The following DHRSX variants were observed in gnomAD, a reference collection of about 807,000 sequenced individuals.
DHRSX encodes the protein dehydrogenase/reductase X-linked, also known as polyprenol dehydrogenase.
DHRSX carries 31 observed loss-of-function variants against 34.0 expected under a neutral mutation model. That is an observed-to-expected ratio of 0.91 (90% CI 0.69 to 1.23). DHRSX has a LOEUF of 1.23. Ranked by LOEUF, DHRSX falls within the 50% of genes most tolerant of loss-of-function variation. The probability of loss-of-function intolerance (pLI) is 0.00; values close to 1 mark genes in which losing one functional copy is unlikely to be tolerated. For synonymous variants in DHRSX, 201 were observed against 183.8 expected, an observed-to-expected ratio of 1.09 and a Z score of -0.76; for missense variants, 414 against 428.1, an observed-to-expected ratio of 0.97 and a Z score of 0.29.
chrX:2,489,763 C>T (rs2045073606), intron 1 of DHRSX: 9 of 1,613,260 alleles, frequency 5.6e-6, no homozygotes, highest in Non-Finnish European at 7.6e-6. Context: ...GGAAGTACTC[C>T]ACCAGTTTGC....
rs901674478 is a variant in DHRSX, at chrX:2,425,201, G to A, written c.213C>T (p.Ile71=). The A allele has an allele frequency of 6.2e-7, 1 of 1,608,530 alleles. No homozygotes were observed. The highest frequency in any genetic ancestry group is 1.3e-5 in the African/African-American group (1 of 74,620). ...KHLARLGMHV[I]IAGNNDSKAK... is the part of the protein sequence containing the mutation. ...AGTAACTGTAAAAGTCATCACCTAT[G>A]ATAACATGCATGCCAAGTCTCGCCA... Residue 71 remains isoleucine (I), a synonymous_variant, in exon 2 of 7, where the codon ATC becomes ATT. Coordinates refer to ENST00000334651, the MANE Select transcript of DHRSX (RefSeq NM_145177.3).
At chrX:2,255,095 G>A (rs1238886778) in intron 5 of DHRSX, among the ~76,000 whole-genome samples, 1 of 151,824 alleles carries the variant, frequency 6.6e-6, no homozygotes, top group Middle Eastern at 3.2e-3. Context: ...CTCCTGAGTA[G>A]CTGGGACTAC....
intron 3 of DHRSX, among the ~76,000 whole-genome samples, chrX:2,308,835 G>C (rs1004293944): frequency 6.7e-6 from 1 of 149,794 alleles, no homozygotes; most frequent in Non-Finnish European, 1.5e-5. Flanking sequence ...AAGAAAGGGA[G>C]GGAGGGAGAA....
intron 6 of DHRSX, among the ~76,000 whole-genome samples, chrX:2,236,136 A>T (rs999707351): frequency 6.6e-6 from 1 of 151,984 alleles, no homozygotes; most frequent in South Asian, 2.1e-4. Flanking sequence ...AATAAATAAA[A>T]TAAATAAATC....
chrX:2,329,134 T>C (rs1437579648), intron 3 of DHRSX, among the ~76,000 whole-genome samples: 1 of 152,216 alleles, frequency 6.6e-6, no homozygotes, highest in African/African-American at 2.4e-5. Flanking sequence ...CAGGTATTTA[T>C]GAAACCTCAT....
intron 3 of DHRSX, among the ~76,000 whole-genome samples, chrX:2,380,557 C>T (rs1282982558): frequency 6.6e-6 from 1 of 152,076 alleles, no homozygotes; most frequent in African/African-American, 2.4e-5. Flanking sequence ...GTGTCCCCAT[C>T]CAAATCTCAC....
chrX:2,246,484 G>A (rs1476076660), intron 5 of DHRSX, among the ~76,000 whole-genome samples: 15 of 151,764 alleles, frequency 9.9e-5, no homozygotes, highest in Non-Finnish European at 2.1e-4. Flanking sequence ...TTAGCTGGAC[G>A]TGCTGGCGGG....
At chrX:2,263,320 T>C (rs1184803564) in intron 5 of DHRSX, among the ~76,000 whole-genome samples, 1 of 152,070 alleles carries the variant, frequency 6.6e-6, no homozygotes, top group East Asian at 1.9e-4. Context: ...AGTGCCTTTA[T>C]AAAGGGGACC....
intron 5 of DHRSX, among the ~76,000 whole-genome samples, chrX:2,256,015 CTTTT>C (rs768032121): frequency 3.6e-5 from 5 of 139,962 alleles, no homozygotes; most frequent in East Asian, 4.1e-4. Flanking sequence ...ATGTGTCCCT[CTTTT>C]TTTTTTTTTT....
At chrX:2,307,311 A>C (rs947561255) in intron 3 of DHRSX, among the ~76,000 whole-genome samples, 4 of 152,138 alleles carry the variant, frequency 2.6e-5, no homozygotes, top group Admixed American at 1.3e-4. Flanking sequence ...GCATTCCAAG[A>C]GCAGGGGAGG....
At chrX:2,326,931 C>A (rs2042394205) in intron 3 of DHRSX, among the ~76,000 whole-genome samples, 1 of 152,022 alleles carries the variant, frequency 6.6e-6, no homozygotes, top group Admixed American at 6.6e-5. Context: ...CCTGCCTCAG[C>A]CTCCTGAGTA....
chrX:2,474,461 C>A (rs1202216716), intron 1 of DHRSX, among the ~76,000 whole-genome samples: 1 of 149,758 alleles, frequency 6.7e-6, no homozygotes, highest in East Asian at 2.0e-4. Flanking sequence ...CCTAAGAATG[C>A]AGCCAAAAGA....
At chrX:2,471,763 G>A (rs141327945) in intron 1 of DHRSX, among the ~76,000 whole-genome samples, 1 of 152,136 alleles carries the variant, frequency 6.6e-6, no homozygotes, top group East Asian at 1.9e-4. Flanking sequence ...CATGCACATC[G>A]CTTCATCCAT....
chrX:2,304,277 ATGGGTGGGTGGG>A (rs1258209865), intron 3 of DHRSX, among the ~76,000 whole-genome samples: 2 of 114,404 alleles, frequency 1.7e-5, no homozygotes, highest in African/African-American at 3.5e-5. Context: ...GGGTGGATGG[ATGGGTGGGTGGG>A]TGGGTGGATG....
chrX:2,407,658 G>C (rs913388319), intron 3 of DHRSX, among the ~76,000 whole-genome samples: 1 of 152,192 alleles, frequency 6.6e-6, no homozygotes, highest in African/African-American at 2.4e-5. Flanking sequence ...AAGAAGGTTT[G>C]CATCTTCTAC....
At position 2,406,241 on chromosome X, in the gene DHRSX, G is replaced by A. The variant is rs187574268; in HGVS notation, c.286+2504C>T. ...TGGGAGCCGGAGGTTGCAGTGAGCCGAGATCGCACCACTGCATTCCAGCCT... is the reference window on the plus strand; with the variant it reads ...TGGGAGCCGGAGGTTGCAGTGAGCCAAGATCGCACCACTGCATTCCAGCCT... On this transcript the variant is annotated intron_variant, in intron 3 of 6. Transcript: ENST00000334651. Among the ~76,000 whole-genome samples, 38 of 152,002 alleles carry A rather than the reference G, an allele frequency of 2.5e-4. No homozygotes were observed. The South Asian group carries it at 2.5e-3, about 10-fold the overall frequency.
intron 3 of DHRSX, among the ~76,000 whole-genome samples, chrX:2,374,006 C>T (rs182772323): frequency 2.0e-5 from 3 of 152,274 alleles, no homozygotes; most frequent in African/African-American, 7.2e-5. Flanking sequence ...GAGAAACAGT[C>T]GTGCATGGAA....
intron 5 of DHRSX, among the ~76,000 whole-genome samples, chrX:2,262,892 G>A (rs1256011619): frequency 6.6e-6 from 1 of 152,126 alleles, no homozygotes; most frequent in Non-Finnish European, 1.5e-5. Flanking sequence ...ATGGGCCAAG[G>A]TATCCTAGGA....
intron 3 of DHRSX, among the ~76,000 whole-genome samples, chrX:2,321,810 G>A (rs1214611590): frequency 2.6e-5 from 4 of 151,952 alleles, no homozygotes; most frequent in Non-Finnish European, 4.4e-5. Flanking sequence ...CTGCCACCCC[G>A]GAGCCAGCAA....
Sources: allele counts gnomAD v4.1 joint callset (sites outside exome capture counted in the v4.1 genomes callset), GRCh38; gene constraint gnomAD v4.1.1; transcripts MANE v1.5; gene names NCBI Gene and HGNC (gene_info 2026-07-23, HGNC 2026-07-21).